Variants in NHLH2 observed in about 807,000 individuals in gnomAD.
NHLH2 encodes the protein nescient helix-loop-helix 2.
In NHLH2, 7 loss-of-function variants were observed where a neutral mutation model predicts 7.3. The observed-to-expected ratio is 0.96, with a 90% CI of 0.55 to 1.81. The LOEUF (loss-of-function observed/expected upper bound fraction) is 1.81, where lower values mean the gene tolerates loss of function less well. NHLH2 is among the 40% of genes most tolerant of loss of function. The pLI, the probability that NHLH2 is intolerant of heterozygous loss-of-function variation, is 0.00. For missense variants in NHLH2, 155 were observed against 194.0 expected, an observed-to-expected ratio of 0.80 and a Z score of 1.19; for synonymous variants, 93 against 91.6, an observed-to-expected ratio of 1.01 and a Z score of -0.09.
chr1:115,835,115 T>A (rs904889084), downstream of NHLH2, among the ~76,000 whole-genome samples: 8 of 152,148 alleles, frequency 5.3e-5, no homozygotes, highest in African/African-American at 1.7e-4. Context: ...TCCAAATCCC[T>A]AAGGCCCTTT....
At position 115,837,279 on chromosome 1, in the gene NHLH2, A is replaced by AT. The variant is rs1188183845; in HGVS notation, c.*685dup. 5.2e-5 allele frequency: 8 copies of AT among 152,622 alleles called. No individual in the cohort carries two copies. Among genetic ancestry groups the AT allele is most frequent in the African/African-American group, 1.7e-4 (7 of 41,452 alleles). The allele number at this position is 152,622 out of a possible 1,614,324, so 9.5% of individuals were successfully genotyped here. A position where few individuals can be genotyped will look rare whatever the true frequency, so the allele number is the denominator to read the frequency against. ...TATTAAAGTTTCCATTTAAATATGGATTTTCCTGTCTACCTTGGTGTCATA... is the reference window on the plus strand; with the variant it reads ...TATTAAAGTTTCCATTTAAATATGGATTTTTCCTGTCTACCTTGGTGTCATA... On this transcript the variant is annotated 3_prime_UTR_variant, in exon 3 of 3. Coordinates refer to ENST00000320238, the MANE Select transcript of NHLH2 (RefSeq NM_005599.3).
downstream of NHLH2, among the ~76,000 whole-genome samples, chr1:115,833,404 C>T (rs556863383): frequency 2.0e-5 from 3 of 152,266 alleles, no homozygotes; most frequent in South Asian, 4.1e-4. Context: ...GTACTGCAGA[C>T]GCAGCACTCC....
In NHLH2 at chr1:115,837,609, A is replaced by C. The variant is rs2101197688; in HGVS notation, c.*356T>G. ...GCCCTCATTCTTTCAACACATTAAG[A>C]TTTGTGGCGGATGAATGTAGGAGAA... On this transcript the variant is annotated 3_prime_UTR_variant, in exon 3 of 3. Transcript: ENST00000320238. 1 of 269,668 alleles carries C rather than the reference A, an allele frequency of 3.7e-6. No homozygotes were observed. The highest frequency in any genetic ancestry group is 4.9e-5 in the South Asian group (1 of 20,362). 16.7% of individuals were successfully genotyped at this position (269,668 alleles called of 1,614,324 possible).
At chr1:115,838,459 G>T in intron 2 of NHLH2, 79 bp from the exon 3 acceptor site, 1 of 1,489,638 alleles carries the variant, frequency 6.7e-7, no homozygotes, top group Non-Finnish European at 9.1e-7. Flanking sequence ...GGCCTACCAC[G>T]CCGGTCCTCC....
At position 115,837,689 on chromosome 1, in the gene NHLH2, T is replaced by G. The variant is rs977897334; in HGVS notation, c.*276A>C. The G allele has an allele frequency of 1.5e-4, 67 of 452,510 alleles. No homozygotes were observed. Among genetic ancestry groups the G allele is most frequent in the Admixed American group, 1.3e-4 (3 of 23,028 alleles). The allele number at this position is 452,510 out of a possible 1,614,324, so 28.0% of individuals were successfully genotyped here. A position where few individuals can be genotyped will look rare whatever the true frequency, so the allele number is the denominator to read the frequency against. ...ACCCTTGGGGAGCCCCAGAAGTGGC[T>G]CATCTCGGGTGTCTCCACGAGGTTC... On this transcript the variant is annotated 3_prime_UTR_variant, in exon 3 of 3. Coordinates refer to ENST00000320238, the MANE Select transcript of NHLH2 (RefSeq NM_005599.3).
chr1:115,834,085 T>C (rs1320396697), downstream of NHLH2, among the ~76,000 whole-genome samples: 3 of 152,166 alleles, frequency 2.0e-5, no homozygotes, highest in Non-Finnish European at 4.4e-5. Context: ...CATTTCCTCC[T>C]TACCCATTCC....
downstream of NHLH2, among the ~76,000 whole-genome samples, chr1:115,835,118 G>A (rs1001864170): frequency 2.0e-5 from 3 of 152,126 alleles, no homozygotes; most frequent in African/African-American, 7.2e-5. Flanking sequence ...AAATCCCTAA[G>A]GCCCTTTGTC....
At chr1:115,835,752 GTCT>G (rs1395745497), downstream of NHLH2, among the ~76,000 whole-genome samples, 1 of 152,126 alleles carries the variant, frequency 6.6e-6, no homozygotes, top group African/African-American at 2.4e-5. Flanking sequence ...AGTCATTTAT[GTCT>G]TCTATTTGTA....
intron 2 of NHLH2, chr1:115,839,160 G>A (rs1430430809): frequency 6.0e-6 from 1 of 167,202 alleles, no homozygotes; most frequent in Admixed American, 6.5e-5. Context: ...GGGACCTAGG[G>A]ACACGGCGAC....
At chr1:115,835,050 G>A (rs1650835218), downstream of NHLH2, among the ~76,000 whole-genome samples, 1 of 152,182 alleles carries the variant, frequency 6.6e-6, no homozygotes, top group Non-Finnish European at 1.5e-5. Context: ...ACATTGCAAA[G>A]ATCCTCTCCT....
chr1:115,832,455 G>A (rs1243175369), downstream of NHLH2, among the ~76,000 whole-genome samples: 1 of 152,148 alleles, frequency 6.6e-6, no homozygotes, highest in Non-Finnish European at 1.5e-5. Context: ...TAAATACAAA[G>A]GTAATGAAAA....
At chr1:115,833,167 G>C (rs2101191261), downstream of NHLH2, among the ~76,000 whole-genome samples, 1 of 152,348 alleles carries the variant, frequency 6.6e-6, no homozygotes, top group Non-Finnish European at 1.5e-5. Context: ...AAGGTGCAGA[G>C]GAGTGTGGAT....
downstream of NHLH2, among the ~76,000 whole-genome samples, chr1:115,834,887 G>A (rs960607260): frequency 6.6e-6 from 1 of 152,100 alleles, no homozygotes. Context: ...GCTCACCATC[G>A]TCATTCAAAG....
Position 115,839,418 on chromosome 1 carries a change from A to C in NHLH2, c.-9+798T>G, listed in dbSNP as rs568930768. On this transcript the variant is annotated intron_variant, in intron 2 of 2. Transcript: ENST00000320238. ...GCAGCTGTCCCCGGGTGGCCTGGCC[A>C]AGTCCGGGCATGTCGGTGCTTAGCC... 59 of 166,866 alleles carry C rather than the reference A, an allele frequency of 3.5e-4. 1 individual carries two copies. Among genetic ancestry groups the C allele is most frequent in the African/African-American group, 1.4e-3 (59 of 41,560 alleles). 10.3% of individuals were successfully genotyped at this position (166,866 alleles called of 1,614,324 possible).
In NHLH2 at chr1:115,836,549, T is replaced by C. The variant is rs1650875500; in HGVS notation, c.*1416A>G. On this transcript the variant is annotated 3_prime_UTR_variant, in exon 3 of 3. Transcript: ENST00000320238. ...GACTAAAATCTTTGGATAGCAGATG[T>C]GGTTTTTTTCCCTTGTCTCTAAAAT... 6.6e-6 allele frequency: 1 copy of C among 152,596 alleles called. No homozygotes were observed. The allele number at this position is 152,596 out of a possible 1,614,324, so 9.5% of individuals were successfully genotyped here.
At chr1:115,833,796 TG>T (rs1650805495), downstream of NHLH2, among the ~76,000 whole-genome samples, 2 of 152,316 alleles carry the variant, frequency 1.3e-5, no homozygotes, top group East Asian at 3.9e-4. Flanking sequence ...CATCTAAATA[TG>T]GAAAAGGGTA....
downstream of NHLH2, among the ~76,000 whole-genome samples, chr1:115,834,831 C>T (rs1306264377): frequency 1.3e-5 from 2 of 152,190 alleles, no homozygotes; most frequent in Non-Finnish European, 2.9e-5. Context: ...CAATGTTTGG[C>T]ACACAGTGGG....
At chr1:115,838,715 T>G in intron 2 of NHLH2, 1 of 280,192 alleles carries the variant, frequency 3.6e-6, no homozygotes, top group Non-Finnish European at 7.0e-6. Context: ...TGGGTTTTTG[T>G]GCCTCTTCCG....
At chr1:115,834,595 G>A (rs1016572079), downstream of NHLH2, among the ~76,000 whole-genome samples, 1 of 152,190 alleles carries the variant, frequency 6.6e-6, no homozygotes, top group African/African-American at 2.4e-5. Flanking sequence ...TCTAGGCAGA[G>A]GGTACCAATG....
Sources: gnomAD v4.1 joint callset for allele counts (sites outside exome capture counted in the v4.1 genomes callset) on GRCh38, gnomAD v4.1.1 for gene constraint, MANE v1.5 for transcripts, NCBI Gene and HGNC (gene_info 2026-07-23, HGNC 2026-07-21) for gene names.